Variants in ATP2C2 observed in about 807,000 individuals in gnomAD.
ATP2C2 encodes the protein ATPase secretory pathway Ca2+ transporting 2, also known as calcium-transporting ATPase type 2C member 2.
In ATP2C2, 171 loss-of-function variants were observed where a neutral mutation model predicts 110.8. That is an observed-to-expected ratio of 1.54 (90% confidence interval 1.36 to 1.75). The LOEUF (loss-of-function observed/expected upper bound fraction) is 1.75. Ranked by LOEUF, ATP2C2 falls within the 40% of genes most tolerant of loss-of-function variation. The probability of loss-of-function intolerance (pLI) is 0.00; values close to 1 mark genes in which losing one functional copy is unlikely to be tolerated. For synonymous variants in ATP2C2, 804 were observed against 508.4 expected (o/e 1.58, Z -7.82); for missense variants, 1,963 against 1,235.0 (o/e 1.59, Z -8.84).
intron 11 of ATP2C2, among the ~76,000 whole-genome samples, chr16:84,434,146 G>A (rs565869361): frequency 1.6e-4 from 25 of 152,164 alleles, no homozygotes; most frequent in Non-Finnish European, 2.9e-4. Context: ...GGTCGGGCAC[G>A]GTGGCTCATG....
chr16:84,389,865 C>T (rs1220359691), intron 1 of ATP2C2, among the ~76,000 whole-genome samples: 5 of 152,074 alleles, frequency 3.3e-5, no homozygotes. Context: ...GGACTACAGG[C>T]ATGTGCTATC....
intron 1 of ATP2C2, among the ~76,000 whole-genome samples, chr16:84,382,293 T>C (rs753317567): frequency 6.6e-6 from 1 of 152,238 alleles, no homozygotes. Context: ...GCTTCATCCA[T>C]GTCCCTGCAA....
chr16:84,393,567 T>G (rs1904789994), intron 1 of ATP2C2, among the ~76,000 whole-genome samples: 1 of 152,102 alleles, frequency 6.6e-6, no homozygotes, highest in African/African-American at 2.4e-5. Context: ...GTATAGACAC[T>G]CCTTCTAAAA....
intron 11 of ATP2C2, among the ~76,000 whole-genome samples, chr16:84,429,234 C>T (rs1446738274): frequency 6.6e-6 from 1 of 152,178 alleles, no homozygotes; most frequent in Non-Finnish European, 1.5e-5. Flanking sequence ...TCACTGCAAT[C>T]TCCATCTCCC....
intron 11 of ATP2C2, among the ~76,000 whole-genome samples, chr16:84,428,546 A>G (rs575879523): frequency 3.3e-5 from 5 of 152,336 alleles, no homozygotes; most frequent in African/African-American, 1.2e-4. Flanking sequence ...CTGAGAGCAC[A>G]CAAAAAAAAC....
chr16:84,387,070 A>T (rs1904353378), intron 1 of ATP2C2, among the ~76,000 whole-genome samples: 1 of 151,966 alleles, frequency 6.6e-6, no homozygotes, highest in Admixed American at 6.6e-5. Context: ...TGAGGGAAAA[A>T]CTGTTTGGCA....
intron 26 of ATP2C2, chr16:84,462,696 T>A: frequency 6.5e-6 from 1 of 153,178 alleles, no homozygotes; most frequent in South Asian, 2.1e-4. Flanking sequence ...ATGGCAGGCA[T>A]GGGGCAAGGG....
rs566290549 is a variant in ATP2C2 at position 84,430,639 on chromosome 16, C to CAAA, written c.986+4854_986+4856dup. Reference sequence around the variant, plus strand: ...TGGGCAGCAGAGTGAGACACCATCTCAAAAAAAAAAAAAAAAAAGTCAGTT... The same window carrying CAAA: ...TGGGCAGCAGAGTGAGACACCATCTCAAAAAAAAAAAAAAAAAAAAAGTCAGTT... On this transcript the variant is annotated intron_variant, in intron 11 of 26. Transcript: ENST00000262429. Among the ~76,000 whole-genome samples the CAAA allele has an allele frequency of 5.1e-3, 634 of 123,444 alleles. 12 individuals are homozygous for CAAA. The highest frequency in any genetic ancestry group is 0.014 in the East Asian group (57 of 4,002). 81.0% of individuals were successfully genotyped at this position (123,444 alleles called of 152,430 possible). A position where few individuals can be genotyped will look rare whatever the true frequency, so the allele number is the denominator to read the frequency against.
intron 2 of ATP2C2, among the ~76,000 whole-genome samples, chr16:84,403,252 A>G (rs1209033521): frequency 6.6e-6 from 1 of 152,108 alleles, no homozygotes; most frequent in East Asian, 1.9e-4. Context: ...AGACAGGCCT[A>G]TTTAAAAAAA....
intron 1 of ATP2C2, among the ~76,000 whole-genome samples, chr16:84,394,988 C>G (rs563693366): frequency 8.5e-5 from 13 of 152,216 alleles, no homozygotes; most frequent in East Asian, 1.9e-4. Flanking sequence ...GTATTGCATT[C>G]CTGTTTGAGG....
intron 7 of ATP2C2, among the ~76,000 whole-genome samples, chr16:84,417,796 A>G (rs1338747750): frequency 6.6e-6 from 1 of 152,240 alleles, no homozygotes. Flanking sequence ...TGAACACTCT[A>G]TGGATTTTCC....
At chr16:84,392,115 GA>G (rs1212657708) in intron 1 of ATP2C2, among the ~76,000 whole-genome samples, 2 of 151,904 alleles carry the variant, frequency 1.3e-5, no homozygotes, top group Admixed American at 1.3e-4. Flanking sequence ...CAGAATAATG[GA>G]ATGAGCCCAC....
chr16:84,442,359 A>G (rs1386081716), intron 14 of ATP2C2, 151 bp from the exon 15 acceptor site: 5 of 712,126 alleles, frequency 7.0e-6, no homozygotes, highest in African/African-American at 1.8e-5. Context: ...AATAGTCACG[A>G]TGTTTCTTTT....
At chr16:84,398,800 C>A (rs980731439) in intron 2 of ATP2C2, among the ~76,000 whole-genome samples, 191 bp downstream of exon 2, 1 of 152,204 alleles carries the variant, frequency 6.6e-6, no homozygotes, top group African/African-American at 2.4e-5. Context: ...CAGTAGAGCT[C>A]GTCTTCACCA....
At chr16:84,390,888 C>T (rs1160869203) in intron 1 of ATP2C2, among the ~76,000 whole-genome samples, 4 of 152,022 alleles carry the variant, frequency 2.6e-5, no homozygotes, top group African/African-American at 7.2e-5. Context: ...CCGAGGTGGG[C>T]GGATCACCTG....
chr16:84,459,536 T>C (rs1271294696), intron 23 of ATP2C2, 150 bp downstream of exon 23: 1 of 1,546,934 alleles, frequency 6.5e-7, no homozygotes, highest in Non-Finnish European at 8.7e-7. Context: ...TGTGTTGCAC[T>C]GCAGTGAGAC....
At chr16:84,387,580 G>C (rs1377493779) in intron 1 of ATP2C2, among the ~76,000 whole-genome samples, 1 of 152,156 alleles carries the variant, frequency 6.6e-6, no homozygotes, top group Non-Finnish European at 1.5e-5. Flanking sequence ...ATAAACTGTG[G>C]CATAGCCATG....
At chr16:84,400,329 G>GT (rs112134569) in intron 2 of ATP2C2, among the ~76,000 whole-genome samples, 19,654 of 136,092 alleles carry the variant, frequency 0.14, 3,543 homozygotes, top group African/African-American at 0.43. Flanking sequence ...TTAGTTTTTT[G>GT]TTGTTTTTTT....
chr16:84,444,162 CAAAAA>C (rs71151217), intron 15 of ATP2C2, among the ~76,000 whole-genome samples: 96 of 104,556 alleles, frequency 9.2e-4, no homozygotes, highest in Admixed American at 8.9e-4. Flanking sequence ...GATCCTGCCT[CAAAAA>C]AAAAAAAAAA....
Sources: gnomAD v4.1 joint callset for allele counts (sites outside exome capture counted in the v4.1 genomes callset) on GRCh38, gnomAD v4.1.1 for gene constraint, MANE v1.5 for transcripts, NCBI Gene and HGNC (gene_info 2026-07-23, HGNC 2026-07-21) for gene names.